Variants in ABCB1 observed in about 807,000 individuals in gnomAD.
ABCB1 encodes ATP-dependent translocase ABCB1.
ABCB1 carries 69 observed loss-of-function variants against 142.0 expected under a neutral mutation model. That is an observed-to-expected ratio of 0.49 (90% CI 0.40 to 0.59). The LOEUF (loss-of-function observed/expected upper bound fraction) is 0.59. Ranked by LOEUF, ABCB1 falls within the 20% of genes least tolerant of loss-of-function variation. The pLI, the probability that ABCB1 is intolerant of heterozygous loss-of-function variation, is 0.00. For synonymous variants in ABCB1, 532 were observed against 539.2 expected (o/e 0.99, Z 0.18); for missense variants, 1,326 against 1,554.7 (o/e 0.85, Z 2.47).
intron 3 of ABCB1, among the ~76,000 whole-genome samples, chr7:87,587,025 T>G (rs1818787597): frequency 1.3e-5 from 2 of 152,194 alleles, no homozygotes; most frequent in South Asian, 4.1e-4. Context: ...GTTGATGATC[T>G]AAAAACATCA....
At chr7:87,645,942 A>G (rs1822959063) in intron 1 of ABCB1, among the ~76,000 whole-genome samples, 4 of 152,170 alleles carry the variant, frequency 2.6e-5, no homozygotes, top group South Asian at 4.1e-4. Context: ...AAGCTGGAGA[A>G]CATTATTTTT....
chr7:87,633,140 C>T (rs1310743186), intron 1 of ABCB1, among the ~76,000 whole-genome samples: 1 of 152,156 alleles, frequency 6.6e-6, no homozygotes. Flanking sequence ...GAATGAGAAG[C>T]TTATATTTTT....
intron 1 of ABCB1, among the ~76,000 whole-genome samples, chr7:87,689,322 TTC>T (rs1446620058): frequency 6.6e-6 from 1 of 152,120 alleles, no homozygotes. Flanking sequence ...CCCTTTGAGT[TTC>T]TGTCAGAAAA....
intron 25 of ABCB1, 65 bp from the exon 26 acceptor site, chr7:87,509,546 T>C: frequency 1.3e-6 from 2 of 1,517,146 alleles, no homozygotes; most frequent in Non-Finnish European, 1.8e-6. Flanking sequence ...ACAATTAACA[T>C]CATTATTTCT....
chr7:87,521,906 C>T (rs2059603151), intron 21 of ABCB1: 6 of 774,832 alleles, frequency 7.7e-6, no homozygotes, highest in African/African-American at 5.1e-5. Context: ...AGGGGCTTTG[C>T]TTTAGTAACT....
intron 1 of ABCB1, among the ~76,000 whole-genome samples, chr7:87,639,076 C>T (rs751924867): frequency 6.7e-5 from 10 of 149,770 alleles, no homozygotes; most frequent in Non-Finnish European, 1.3e-4. Flanking sequence ...GGTGTAAACC[C>T]CGGAGGCGGA....
intron 5 of ABCB1, among the ~76,000 whole-genome samples, chr7:87,567,967 C>T (rs1430258652): frequency 1.3e-5 from 2 of 151,694 alleles, no homozygotes; most frequent in African/African-American, 2.4e-5. Flanking sequence ...TGGTGGCGTG[C>T]GACTGTAGTC....
intron 1 of ABCB1, among the ~76,000 whole-genome samples, chr7:87,711,048 C>T (rs371144551): frequency 2.2e-4 from 33 of 151,920 alleles, no homozygotes; most frequent in African/African-American, 6.0e-4. Flanking sequence ...ATACATTGGC[C>T]GGGCACGGTG....
At chr7:87,694,294 A>G (rs1173855316) in intron 1 of ABCB1, among the ~76,000 whole-genome samples, 1 of 152,136 alleles carries the variant, frequency 6.6e-6, no homozygotes, top group African/African-American at 2.4e-5. Flanking sequence ...TGGCACCATA[A>G]ACAATAACTG....
intron 19 of ABCB1, among the ~76,000 whole-genome samples, chr7:87,537,618 A>G (rs905174476): frequency 1.3e-5 from 2 of 152,178 alleles, no homozygotes; most frequent in Non-Finnish European, 1.5e-5. Context: ...CATTTTGGAA[A>G]TGTTAAACAG....
intron 22 of ABCB1, 53 bp downstream of exon 22, chr7:87,520,723 A>G: frequency 6.7e-7 from 1 of 1,491,448 alleles, no homozygotes; most frequent in South Asian, 1.1e-5. Context: ...GAAAACAAAT[A>G]TGATGATTGA....
upstream of ABCB1, among the ~76,000 whole-genome samples, chr7:87,605,135 T>C (rs1041189112): frequency 9.2e-5 from 14 of 152,156 alleles, no homozygotes; most frequent in Non-Finnish European, 1.3e-4. Flanking sequence ...ATCTCCCTTA[T>C]CAACTTCTTT....
chr7:87,704,039 A>G (rs993031799), intron 1 of ABCB1, among the ~76,000 whole-genome samples: 15 of 143,996 alleles, frequency 1.0e-4, no homozygotes, highest in African/African-American at 3.1e-4. Flanking sequence ...TCCTGCCTCA[A>G]CCTCCTGAGT....
chr7:87,507,923 AG>A (rs1814820082), intron 26 of ABCB1, among the ~76,000 whole-genome samples: 1 of 152,216 alleles, frequency 6.6e-6, no homozygotes, highest in South Asian at 2.1e-4. Flanking sequence ...TATAAGTGGC[AG>A]CTAAACATCA....
intron 8 of ABCB1, among the ~76,000 whole-genome samples, chr7:87,556,792 C>A (rs895370768): frequency 6.6e-6 from 1 of 152,240 alleles, no homozygotes; most frequent in South Asian, 2.1e-4. Flanking sequence ...TCAACCACTC[C>A]CCTGTGCCCT....
At chr7:87,541,603 G>A (rs1563042690) in intron 17 of ABCB1, 139 bp from the exon 18 acceptor site, 1 of 704,124 alleles carries the variant, frequency 1.4e-6, no homozygotes, top group South Asian at 1.5e-5. Flanking sequence ...CTTTCCTATT[G>A]CCAGCCTTAA....
intron 25 of ABCB1, among the ~76,000 whole-genome samples, chr7:87,510,464 A>G (rs1406198751): frequency 6.6e-6 from 1 of 152,236 alleles, no homozygotes; most frequent in African/African-American, 2.4e-5. Flanking sequence ...CCTTGCTGAT[A>G]ACAAGCCCTA....
intron 14 of ABCB1, 50 bp from the exon 15 acceptor site, chr7:87,546,074 A>G: frequency 6.3e-7 from 1 of 1,574,938 alleles, no homozygotes; most frequent in African/African-American, 1.3e-5. Context: ...TTACCTGAAG[A>G]AACTTAACCA....
Position 87,689,640 on chromosome 7 carries a change from G to A in ABCB1, c.-331+23521C>T, listed in dbSNP as rs1235355309. Among the ~76,000 whole-genome samples, 9 of 152,004 alleles carry A rather than the reference G, an allele frequency of 5.9e-5. No individual in the cohort carries two copies. The East Asian group carries it at 1.7e-3, about 29-fold the overall frequency. ...AAATATTTCTCATTTTATAGAAGAG[G>A]GGAAAGATTACACAATTTAGTGGAC... On this transcript the variant is annotated intron_variant, in intron 1 of 28. Transcript: ENST00000265724.
Sources: allele counts gnomAD v4.1 joint callset (sites outside exome capture counted in the v4.1 genomes callset), GRCh38; gene constraint gnomAD v4.1.1; transcripts MANE v1.5; gene names NCBI Gene and HGNC (gene_info 2026-07-23, HGNC 2026-07-21).